LIX1L: variants seen among roughly 807,000 people sequenced by gnomAD.
The protein encoded by LIX1L is limb and CNS expressed 1 like.
In LIX1L, 20 loss-of-function variants were observed where a neutral mutation model predicts 34.0. The ratio of observed to expected loss-of-function variants is 0.59; its 90% CI spans 0.41 to 0.85. The LOEUF (loss-of-function observed/expected upper bound fraction) is 0.85, where lower values mean the gene tolerates loss of function less well. Ranked by LOEUF, LIX1L falls within the 40% of genes least tolerant of loss-of-function variation. The probability of loss-of-function intolerance (pLI) is 0.00; values close to 1 mark genes in which losing one functional copy is unlikely to be tolerated. For synonymous variants in LIX1L, 170 were observed against 187.4 expected (o/e 0.91, Z 0.76); for missense variants, 397 against 447.0 (o/e 0.89, Z 1.01).
chr1:145,936,869 G>A, intron 5 of LIX1L, 39 bp downstream of exon 5: 1 of 1,324,324 alleles, frequency 7.6e-7, no homozygotes, highest in African/African-American at 1.4e-5. Context: ...CTGACAGATT[G>A]TGCTCCCCTC....
chr1:145,937,487 G>A (rs967701150), intron 4 of LIX1L, 117 bp downstream of exon 4: 13 of 666,748 alleles, frequency 1.9e-5, no homozygotes, highest in African/African-American at 3.7e-5. Context: ...GAAAAATAGT[G>A]TAACAACCTT....
chr1:145,938,938 C>T (rs1648773434), intron 3 of LIX1L, among the ~76,000 whole-genome samples: 1 of 151,244 alleles, frequency 6.6e-6, no homozygotes, highest in Non-Finnish European at 1.5e-5. Context: ...TGATTTAAAG[C>T]ATTTATTCAG....
intron 3 of LIX1L, among the ~76,000 whole-genome samples, chr1:145,938,417 A>G (rs1218246597): frequency 6.6e-6 from 1 of 152,142 alleles, no homozygotes; most frequent in African/African-American, 2.4e-5. Flanking sequence ...ACAGCATAGA[A>G]GTTAAGAGCA....
chr1:145,952,454 C>T lies in LIX1L; in HGVS notation c.293-4672G>A. Among the ~76,000 whole-genome samples, 3 of 152,138 alleles carry T rather than the reference C, an allele frequency of 2.0e-5. No individual in the cohort carries two copies. In the South Asian group the frequency reaches 6.2e-4, roughly 32 times the overall value. On this transcript the variant is annotated intron_variant, in intron 1 of 5. Transcript: ENST00000604000. The stretch of plus-strand genomic sequence containing the variant: ...ATAATTGTTTTCTCAAAGTCTCTCA[C>T]AAGAAAGACCAAGATAGGAATATTT...
intron 1 of LIX1L, among the ~76,000 whole-genome samples, chr1:145,951,672 C>T (rs1649304195): frequency 6.6e-6 from 1 of 152,198 alleles, no homozygotes; most frequent in Admixed American, 6.5e-5. Context: ...GAAAGCTCAG[C>T]CATCTTTGTT....
In LIX1L at chr1:145,957,846, C is replaced by T. The variant is rs1242531656; in HGVS notation, c.82G>A (p.Val28Met). The change falls in exon 1 of 6, where the codon GTG becomes ATG. Residue 28 changes from valine (V) to methionine (M), a missense_variant. By Grantham distance (21) the Val-to-Met change is conservative. Coordinates refer to ENST00000604000, the MANE Select transcript of LIX1L (RefSeq NM_153713.3). ...RGTLRALRPG[V>M]TGAAAATATP... Reference sequence around the variant, plus strand: ...GCGGTGGCGGCCGCGGCCCCAGTCACTCCGGGCCGCAGCGCTCGGAGAGTG... The same window carrying T: ...GCGGTGGCGGCCGCGGCCCCAGTCATTCCGGGCCGCAGCGCTCGGAGAGTG... 7 of 1,440,490 alleles carry T rather than the reference C, an allele frequency of 4.9e-6. No individual in the cohort carries two copies. The highest frequency in any genetic ancestry group is 5.5e-6 in the Non-Finnish European group (6 of 1,098,842). 89.2% of individuals were successfully genotyped at this position (1,440,490 alleles called of 1,614,324 possible). A position where few individuals can be genotyped will look rare whatever the true frequency, so the allele number is the denominator to read the frequency against.
chr1:145,938,580 T>A (rs1248072071), intron 3 of LIX1L, among the ~76,000 whole-genome samples: 1 of 129,888 alleles, frequency 7.7e-6, no homozygotes, highest in Non-Finnish European at 1.7e-5. Context: ...AAAATAAAAA[T>A]TTCCTTTTTT....
intron 1 of LIX1L, among the ~76,000 whole-genome samples, chr1:145,954,384 C>A (rs587649396): frequency 1.3e-5 from 2 of 152,202 alleles, no homozygotes; most frequent in South Asian, 4.1e-4. Context: ...CCAGCATTTC[C>A]AAAAATTGGA....
chr1:145,933,816 AT>A lies in LIX1L; in HGVS notation c.*2493del, dbSNP rs1466307945. ...TCTTCTGATTAGTAAGAAAAAAAAA[AT>A]GATAGGGCCTGGAGAATTCAAGGAA... On this transcript the variant is annotated 3_prime_UTR_variant, in exon 6 of 6. Transcript: ENST00000604000. 6.6e-6 allele frequency: 1 copy of A among 152,112 alleles called. No homozygotes were observed. Among genetic ancestry groups the A allele is most frequent in the African/African-American group, 2.4e-5 (1 of 41,400 alleles). 9.4% of individuals were successfully genotyped at this position (152,112 alleles called of 1,614,324 possible). A position where few individuals can be genotyped will look rare whatever the true frequency, so the allele number is the denominator to read the frequency against.
In LIX1L at chr1:145,936,319, G is replaced by A; in HGVS notation, c.1005C>T (p.Ser335=). Residue 335 remains serine, a synonymous_variant, in exon 6 of 6, where the codon TCC becomes TCT. Transcript: ENST00000604000. ...AAGQLGNMHS[S]NC is the part of the protein sequence containing the mutation. ...TTATGTGGGTGGATGCCTAGCAGTT[G>A]GAAGAATGCATATTGCCCAACTGCC... is the stretch of plus-strand genomic sequence containing the variant. 6.2e-7 allele frequency: 1 copy of A among 1,614,022 alleles called. No homozygotes were observed. The highest frequency in any genetic ancestry group is 8.5e-7 in the Non-Finnish European group (1 of 1,179,952).
Position 145,942,729 on chromosome 1 carries a change from G to A in LIX1L, c.581C>T (p.Ala194Val), listed in dbSNP as rs1570964769. 1.9e-6 allele frequency: 3 copies of A among 1,613,984 alleles called. No homozygotes were observed. The highest frequency in any genetic ancestry group is 4.5e-5 in the East Asian group (2 of 44,888). The change falls in exon 3 of 6, where the codon GCC becomes GTC. Residue 194 changes from alanine to valine, a missense_variant. Transcript: ENST00000604000. The part of the protein sequence containing the change: ...DEFIEKSVSE[A>V]LASFNGNREE... ...ACAACTTACATTAAAAGATGCCAGG[G>A]CCTCAGAGACACTCTTCTCGATGAA...
chr1:145,939,875 G>A (rs1187813126), intron 3 of LIX1L: 1 of 152,476 alleles, frequency 6.6e-6, no homozygotes, highest in African/African-American at 2.4e-5. Context: ...CTGAGCTCAA[G>A]TGATCTGCCC....
intron 2 of LIX1L, among the ~76,000 whole-genome samples, chr1:145,946,935 A>T (rs1649133558): frequency 3.3e-5 from 5 of 152,210 alleles, no homozygotes; most frequent in Non-Finnish European, 7.3e-5. Flanking sequence ...AATGTAAAAA[A>T]TCCATCTTTG....
intron 3 of LIX1L, among the ~76,000 whole-genome samples, chr1:145,938,849 A>G (rs1199344017): frequency 6.6e-6 from 1 of 152,118 alleles, no homozygotes; most frequent in Non-Finnish European, 1.5e-5. Context: ...TGGCCTCCCA[A>G]AGTGCTGGGA....
chr1:145,940,945 C>T (rs1648892484), intron 3 of LIX1L, among the ~76,000 whole-genome samples: 1 of 152,032 alleles, frequency 6.6e-6, no homozygotes, highest in African/African-American at 2.4e-5. Context: ...ATCCACCCCA[C>T]AATGTGCTGA....
At chr1:145,947,383 G>C in intron 2 of LIX1L, 7 of 508,508 alleles carry the variant, frequency 1.4e-5, no homozygotes, top group Non-Finnish European at 2.5e-5. Flanking sequence ...TACTGAGCAA[G>C]GGGATATTCA....
intron 3 of LIX1L, among the ~76,000 whole-genome samples, chr1:145,940,398 C>T (rs1482033411): frequency 1.4e-5 from 2 of 145,148 alleles, no homozygotes; most frequent in East Asian, 2.0e-4. Flanking sequence ...CCCAGGATGG[C>T]GTGCAATGGA....
chr1:145,947,349 G>T (rs112462963), intron 2 of LIX1L: 8 of 379,116 alleles, frequency 2.1e-5, no homozygotes, highest in African/African-American at 7.9e-5. Context: ...ATTGGAACAT[G>T]GGTTGGATGC....
At chr1:145,955,685 G>C (rs931943791) in intron 1 of LIX1L, among the ~76,000 whole-genome samples, 8 of 152,130 alleles carry the variant, frequency 5.3e-5, no homozygotes, top group Admixed American at 4.6e-4. Context: ...TGAACTATCT[G>C]CCAGACTTTC....
Sources: allele counts gnomAD v4.1 joint callset (sites outside exome capture counted in the v4.1 genomes callset), GRCh38; gene constraint gnomAD v4.1.1; transcripts MANE v1.5; gene names NCBI Gene and HGNC (gene_info 2026-07-23, HGNC 2026-07-21).